Variants in CRIM1 observed in about 807,000 individuals in gnomAD.
CRIM1 encodes the protein cysteine-rich motor neuron 1 protein.
A neutral mutation model predicts 116.4 loss-of-function variants in CRIM1; 32 were observed. The ratio of observed to expected loss-of-function variants is 0.27; its 90% CI spans 0.21 to 0.37. The LOEUF is 0.37. Among genes scored for constraint, CRIM1 ranks in the 10% least tolerant of loss-of-function variants. CRIM1 has a pLI of 1.00. For synonymous variants in CRIM1, 590 were observed against 509.2 expected (o/e 1.16, Z -2.13); for missense variants, 1,331 against 1,354.8 (o/e 0.98, Z 0.28).
chr2:36,489,579 T>C (rs1203780203), intron 7 of CRIM1, among the ~76,000 whole-genome samples: 1 of 152,216 alleles, frequency 6.6e-6, no homozygotes, highest in Admixed American at 6.5e-5. Context: ...ACAATTCTTG[T>C]TATGAAAGTA....
intron 1 of CRIM1, among the ~76,000 whole-genome samples, chr2:36,383,876 G>T (rs1670972329): frequency 6.6e-6 from 1 of 152,196 alleles, no homozygotes; most frequent in Admixed American, 6.5e-5. Context: ...AGTATACTCA[G>T]GGAATCAGTT....
At chr2:36,359,743 T>TG (rs1399186115) in intron 1 of CRIM1, among the ~76,000 whole-genome samples, 2 of 152,136 alleles carry the variant, frequency 1.3e-5, no homozygotes, top group African/African-American at 4.8e-5. Flanking sequence ...CCTTTTGTGG[T>TG]GGGGGCTGGG....
chr2:36,400,482 G>A (rs146944112), intron 2 of CRIM1, among the ~76,000 whole-genome samples: 20 of 152,256 alleles, frequency 1.3e-4, no homozygotes, highest in Middle Eastern at 3.4e-3. Flanking sequence ...CCACACCTCC[G>A]TGTGGCTGGT....
chr2:36,477,815 C>T (rs532639532), intron 6 of CRIM1, among the ~76,000 whole-genome samples: 2 of 152,340 alleles, frequency 1.3e-5, no homozygotes, highest in Admixed American at 1.3e-4. Context: ...ACACATTTTA[C>T]AGATTAGGAT....
chr2:36,537,141 C>T (rs1477921094), intron 13 of CRIM1, among the ~76,000 whole-genome samples: 1 of 152,138 alleles, frequency 6.6e-6, no homozygotes, highest in African/African-American at 2.4e-5. Context: ...GTGGTAGTGA[C>T]CACCCTGTGC....
At chr2:36,480,359 C>G (rs1165246676) in intron 7 of CRIM1, among the ~76,000 whole-genome samples, 3 of 152,158 alleles carry the variant, frequency 2.0e-5, no homozygotes, top group Admixed American at 1.3e-4. Context: ...TCATGTCAGT[C>G]TTTAATCTTG....
chr2:36,400,247 G>A (rs1672316312), intron 2 of CRIM1, among the ~76,000 whole-genome samples: 1 of 152,166 alleles, frequency 6.6e-6, no homozygotes. Flanking sequence ...GATAGCTAAG[G>A]AAGCAAGTAG....
intron 2 of CRIM1, among the ~76,000 whole-genome samples, chr2:36,404,489 C>T (rs567653587): frequency 2.0e-5 from 3 of 152,244 alleles, no homozygotes; most frequent in Admixed American, 6.5e-5. Context: ...CCGAGGCGAC[C>T]GCTTTCAGTT....
intron 5 of CRIM1, among the ~76,000 whole-genome samples, chr2:36,473,096 A>G (rs2125030109): frequency 1.3e-5 from 2 of 152,348 alleles, no homozygotes; most frequent in Middle Eastern, 6.8e-3. Context: ...AAAAACTGGT[A>G]CTAATAATAC....
At chr2:36,481,767 A>G (rs998920238) in intron 7 of CRIM1, among the ~76,000 whole-genome samples, 5 of 152,100 alleles carry the variant, frequency 3.3e-5, no homozygotes, top group South Asian at 2.1e-4. Flanking sequence ...AGATCAACGG[A>G]AGTTTGTCAG....
chr2:36,481,974 G>A (rs138588417), intron 7 of CRIM1, among the ~76,000 whole-genome samples: 10 of 152,218 alleles, frequency 6.6e-5, no homozygotes, highest in East Asian at 1.9e-4. Context: ...GAATGTGATC[G>A]TCCACCTACT....
intron 8 of CRIM1, among the ~76,000 whole-genome samples, chr2:36,507,831 A>G (rs1198524260): frequency 2.6e-5 from 4 of 152,220 alleles, no homozygotes; most frequent in Admixed American, 2.6e-4. Flanking sequence ...CTCCTTCTTT[A>G]TTGCAGGACC....
intron 2 of CRIM1, among the ~76,000 whole-genome samples, chr2:36,398,299 C>T (rs1238274938): frequency 6.6e-6 from 1 of 152,096 alleles, no homozygotes; most frequent in Non-Finnish European, 1.5e-5. Flanking sequence ...TCATTTAATC[C>T]CCTGCTCCTG....
intron 2 of CRIM1, among the ~76,000 whole-genome samples, chr2:36,400,282 A>G (rs2148388425): frequency 6.6e-6 from 1 of 152,306 alleles, no homozygotes; most frequent in Non-Finnish European, 1.5e-5. Context: ...AGAGAAAGTT[A>G]TTATTGGTTG....
At chr2:36,427,277 C>T (rs1244975128) in intron 2 of CRIM1, among the ~76,000 whole-genome samples, 1 of 152,038 alleles carries the variant, frequency 6.6e-6, no homozygotes. Context: ...TCATCCTCCT[C>T]ATTTGCTAGG....
chr2:36,394,453 C>A (rs1671858998), intron 1 of CRIM1, among the ~76,000 whole-genome samples: 2 of 147,906 alleles, frequency 1.4e-5, no homozygotes, highest in South Asian at 2.1e-4. Context: ...ATATCACCTT[C>A]TTTTCTATGT....
intron 4 of CRIM1, among the ~76,000 whole-genome samples, chr2:36,460,842 G>A (rs772854061): frequency 1.3e-5 from 2 of 152,194 alleles, no homozygotes; most frequent in African/African-American, 4.8e-5. Context: ...TGTAAGAAAA[G>A]TGTGGTGTTT....
At chr2:36,429,326 A>G (rs976514898) in intron 2 of CRIM1, among the ~76,000 whole-genome samples, 3 of 152,186 alleles carry the variant, frequency 2.0e-5, no homozygotes, top group African/African-American at 7.2e-5. Flanking sequence ...AGCAACACTG[A>G]CGCAGAACAC....
chr2:36,444,434 A>G (rs1175261960), intron 4 of CRIM1, among the ~76,000 whole-genome samples: 1 of 152,218 alleles, frequency 6.6e-6, no homozygotes, highest in Non-Finnish European at 1.5e-5. Context: ...GAATGCTTAC[A>G]AGAATTGTAT....
Sources: gnomAD v4.1 joint callset for allele counts (sites outside exome capture counted in the v4.1 genomes callset) on GRCh38, gnomAD v4.1.1 for gene constraint, MANE v1.5 for transcripts, NCBI Gene and HGNC (gene_info 2026-07-23, HGNC 2026-07-21) for gene names.